FOCAD: variants seen among roughly 807,000 people sequenced by gnomAD.
FOCAD encodes the protein KIAA1797.
FOCAD carries 198 observed loss-of-function variants against 225.6 expected under a neutral mutation model. The observed-to-expected ratio is 0.88, with a 90% CI of 0.78 to 0.99. FOCAD has a LOEUF of 0.99. Ranked by LOEUF, FOCAD falls within the 50% of genes least tolerant of loss-of-function variation. The pLI is 0.00. For synonymous variants in FOCAD, 897 were observed against 755.0 expected, an observed-to-expected ratio of 1.19 and a Z score of -3.08; for missense variants, 2,713 against 2,123.6, an observed-to-expected ratio of 1.28 and a Z score of -5.46.
intron 34 of FOCAD, 140 bp from the exon 35 acceptor site, chr9:20,952,845 C>T: frequency 1.5e-6 from 1 of 685,054 alleles, no homozygotes; most frequent in Non-Finnish European, 2.5e-6. Flanking sequence ...TAGTTGCAGC[C>T]ACAAAGTGTT....
intron 23 of FOCAD, among the ~76,000 whole-genome samples, 185 bp downstream of exon 23, chr9:20,913,139 T>TATAC (rs796284145): frequency 2.6e-4 from 30 of 116,234 alleles, no homozygotes; most frequent in African/African-American, 9.5e-4. Flanking sequence ...ATTTATAAAT[T>TATAC]ATACATACAC....
chr9:20,869,507 G>A (rs571157721), intron 18 of FOCAD, among the ~76,000 whole-genome samples: 1 of 152,184 alleles, frequency 6.6e-6, no homozygotes, highest in East Asian at 1.9e-4. Context: ...CAGACTGGTA[G>A]AACAAAAAGA....
chr9:20,815,010 G>T (rs1023489168), intron 11 of FOCAD, among the ~76,000 whole-genome samples: 1 of 151,476 alleles, frequency 6.6e-6, no homozygotes, highest in Non-Finnish European at 1.5e-5. Flanking sequence ...TTTCTGTCTG[G>T]AGTCCTTCTG....
rs541090249 is a variant in FOCAD at position 20,776,845 on chromosome 9, C to T, written c.907-1836C>T. 2.0e-3 allele frequency among the ~76,000 whole-genome samples: 300 copies of T among 151,866 alleles called. 1 individual carries two copies. The highest frequency in any genetic ancestry group is 0.017 in the Middle Eastern group (5 of 294). ...AGGTTTAAGTGATCTTGTTGGTTTT[C>T]CTTTTGTTTTTTTATGGACATGCAG... On this transcript the variant is annotated intron_variant, in intron 8 of 43. Coordinates refer to ENST00000338382, the MANE Select transcript of FOCAD (RefSeq NM_001375567.1).
chr9:20,921,566 A>C (rs977065960), intron 24 of FOCAD, among the ~76,000 whole-genome samples: 2 of 152,230 alleles, frequency 1.3e-5, no homozygotes, highest in African/African-American at 4.8e-5. Context: ...AGGGAATGCG[A>C]AGATGATCAA....
At chr9:20,680,115 T>C (rs1822356636), upstream of FOCAD, among the ~76,000 whole-genome samples, 1 of 152,252 alleles carries the variant, frequency 6.6e-6, no homozygotes, top group Non-Finnish European at 1.5e-5. Context: ...GCTCCATTCT[T>C]TGCTTTCAGC....
chr9:20,798,464 A>T (rs562525166), intron 11 of FOCAD, among the ~76,000 whole-genome samples: 1 of 152,236 alleles, frequency 6.6e-6, no homozygotes, highest in Non-Finnish European at 1.5e-5. Flanking sequence ...TCGGCTGTGA[A>T]TGCATCTGGT....
chr9:20,743,290 G>A (rs563531838), intron 5 of FOCAD, among the ~76,000 whole-genome samples: 2 of 152,234 alleles, frequency 1.3e-5, no homozygotes, highest in Admixed American at 6.5e-5. Context: ...AAGGAGTATG[G>A]CAAATAAGTG....
intron 24 of FOCAD, among the ~76,000 whole-genome samples, chr9:20,919,410 A>G (rs943457784): frequency 1.3e-5 from 2 of 152,214 alleles, no homozygotes; most frequent in Non-Finnish European, 2.9e-5. Flanking sequence ...TATAGATTCA[A>G]TGCCATCCCC....
intron 18 of FOCAD, chr9:20,874,235 A>C (rs1210394677): frequency 6.5e-6 from 1 of 153,656 alleles, no homozygotes; most frequent in East Asian, 1.9e-4. Context: ...ATTCTACTGG[A>C]AGATTTTAAG....
At position 20,910,864 on chromosome 9, in the gene FOCAD, C is replaced by T. The variant is rs1293795072; in HGVS notation, c.2719-2002C>T. On this transcript the variant is annotated intron_variant, in intron 22 of 43. Coordinates refer to ENST00000338382, the MANE Select transcript of FOCAD (RefSeq NM_001375567.1). ...AAAAGAGGATAGAAAAGAACAGAGA[C>T]TCAGAGAAAGAAAAAACATGAAAAC... Among the ~76,000 whole-genome samples, 3 of 151,992 alleles carry T rather than the reference C, an allele frequency of 2.0e-5. No homozygotes were observed. The South Asian group carries it at 6.2e-4, about 31-fold the overall frequency.
intron 19 of FOCAD, among the ~76,000 whole-genome samples, chr9:20,876,503 C>G (rs1830236699): frequency 6.6e-6 from 1 of 152,124 alleles, no homozygotes; most frequent in Admixed American, 6.6e-5. Flanking sequence ...GCTATGATGG[C>G]TATTACCTGG....
intron 16 of FOCAD, among the ~76,000 whole-genome samples, chr9:20,864,246 G>A (rs1171309175): frequency 2.0e-5 from 3 of 151,954 alleles, no homozygotes; most frequent in Non-Finnish European, 2.9e-5. Context: ...TGCTTCTTAA[G>A]TCATTTCTAT....
intron 21 of FOCAD, among the ~76,000 whole-genome samples, chr9:20,895,386 A>G (rs1317930882): frequency 6.6e-6 from 1 of 151,966 alleles, no homozygotes; most frequent in Non-Finnish European, 1.5e-5. Context: ...ATTGCATTGA[A>G]TGTATAGATG....
At chr9:20,936,022 TAGTC>T (rs1238845712) in intron 28 of FOCAD, among the ~76,000 whole-genome samples, 1 of 152,256 alleles carries the variant, frequency 6.6e-6, no homozygotes, top group Non-Finnish European at 1.5e-5. Context: ...ATGTTTCAGT[TAGTC>T]TGTGTGACTT....
chr9:20,871,761 G>T (rs1002375527), intron 18 of FOCAD, among the ~76,000 whole-genome samples: 1 of 115,450 alleles, frequency 8.7e-6, no homozygotes, highest in African/African-American at 3.3e-5. Context: ...ACTGTTGTGG[G>T]GTGGGGGGTG....
intron 15 of FOCAD, among the ~76,000 whole-genome samples, chr9:20,859,733 G>C (rs766494012): frequency 6.8e-6 from 1 of 147,398 alleles, no homozygotes; most frequent in Non-Finnish European, 1.5e-5. Context: ...TATATAAAAA[G>C]AAGTGAGCAC....
chr9:20,820,790 C>G, intron 13 of FOCAD, 151 bp from the exon 14 acceptor site: 1 of 847,686 alleles, frequency 1.2e-6, no homozygotes, highest in African/African-American at 1.7e-5. Flanking sequence ...CCAGTAATCA[C>G]TATAGCAATC....
At chr9:20,917,318 G>C (rs566356037) in intron 24 of FOCAD, among the ~76,000 whole-genome samples, 1 of 151,896 alleles carries the variant, frequency 6.6e-6, no homozygotes, top group South Asian at 2.1e-4. Context: ...ACTTCCTTTT[G>C]TTCCATTGGT....
Sources: gnomAD v4.1 joint callset for allele counts (sites outside exome capture counted in the v4.1 genomes callset) on GRCh38, gnomAD v4.1.1 for gene constraint, MANE v1.5 for transcripts, NCBI Gene and HGNC (gene_info 2026-07-23, HGNC 2026-07-21) for gene names.